Variants in ZC2HC1B observed in about 807,000 individuals in gnomAD.
ZC2HC1B encodes the protein zinc finger C2HC domain-containing protein 1B.
A neutral mutation model predicts 31.0 loss-of-function variants in ZC2HC1B; 36 were observed. The ratio of observed to expected loss-of-function variants is 1.16; its 90% CI spans 0.89 to 1.54. The LOEUF is 1.54. Ranked by LOEUF, ZC2HC1B falls within the 40% of genes most tolerant of loss-of-function variation. ZC2HC1B has a pLI of 0.00. For synonymous variants in ZC2HC1B, 73 were observed against 88.0 expected (o/e 0.83, Z 0.95); for missense variants, 260 against 268.6 (o/e 0.97, Z 0.22).
intron 6 of ZC2HC1B, among the ~76,000 whole-genome samples, chr6:143,925,307 C>G (rs1778022407): frequency 6.6e-6 from 1 of 151,052 alleles, no homozygotes; most frequent in Admixed American, 6.6e-5. Flanking sequence ...TCCCGAGCAG[C>G]TGGGAGTATA....
At position 143,921,140 on chromosome 6, in the gene ZC2HC1B, C is replaced by G. The variant is rs1436705093; in HGVS notation, c.599-16509C>G. Among the ~76,000 whole-genome samples, 1 of 152,132 alleles carries G rather than the reference C, an allele frequency of 6.6e-6. No homozygotes were observed. Among genetic ancestry groups the G allele is most frequent in the African/African-American group, 2.4e-5 (1 of 41,426 alleles). Reference sequence around the variant, plus strand: ...GCCCCCTCTGCTGAAAACAAAAACACTCTCCCAGTAATCTGCACTGCTCAC... The same window carrying G: ...GCCCCCTCTGCTGAAAACAAAAACAGTCTCCCAGTAATCTGCACTGCTCAC... On this transcript the variant is annotated intron_variant, in intron 6 of 7. Coordinates refer to ENST00000237275, the MANE Select transcript of ZC2HC1B (RefSeq NM_001013623.3). The surrounding 1 kb of genome is among the most constrained non-coding windows in gnomAD (Gnocchi z 6.1).
At chr6:143,901,648 T>TA (rs1245241795) in intron 5 of ZC2HC1B, among the ~76,000 whole-genome samples, 1 of 152,146 alleles carries the variant, frequency 6.6e-6, no homozygotes, top group Non-Finnish European at 1.5e-5. Context: ...AAAATGGGGT[T>TA]AATCATGTGT....
intron 6 of ZC2HC1B, among the ~76,000 whole-genome samples, chr6:143,907,993 T>C (rs527783858): frequency 9.2e-5 from 14 of 152,356 alleles, no homozygotes; most frequent in Non-Finnish European, 1.8e-4. Flanking sequence ...ATTCTCTGCA[T>C]ATGGCTGGCC....
intron 6 of ZC2HC1B, among the ~76,000 whole-genome samples, chr6:143,932,162 A>G (rs1007480554): frequency 1.3e-5 from 2 of 152,164 alleles, no homozygotes; most frequent in African/African-American, 4.8e-5. Context: ...GATGTGAGCT[A>G]CTGCACCTAG....
rs1554237237 is a variant in ZC2HC1B, at chr6:143,882,334, T to TTTATATATATATA, written c.29-1969_29-1968insTATATATATATAT. ...AATATGTATACATATTTTATATTTT[T>TTTATATATATATA]TATATATATATATATATATATATAT... On this transcript the variant is annotated intron_variant, in intron 1 of 7. Coordinates refer to ENST00000237275, the MANE Select transcript of ZC2HC1B (RefSeq NM_001013623.3). Among the ~76,000 whole-genome samples the TTTATATATATATA allele has an allele frequency of 6.9e-4, 59 of 85,516 alleles. No individual in the cohort carries two copies. The East Asian group carries it at 7.5e-3, about 11-fold the overall frequency. 56.1% of individuals were successfully genotyped at this position (85,516 alleles called of 152,430 possible).
intron 6 of ZC2HC1B, among the ~76,000 whole-genome samples, chr6:143,906,671 T>C (rs973769761): frequency 3.1e-4 from 47 of 152,112 alleles, no homozygotes; most frequent in Non-Finnish European, 3.8e-4. Flanking sequence ...CTCTAAATTA[T>C]GGCCTCAAGT....
Position 143,898,662 on chromosome 6 carries a change from A to T in ZC2HC1B, c.460A>T (p.Thr154Ser), listed in dbSNP as rs1777699460. 2 of 1,552,068 alleles carry T rather than the reference A, an allele frequency of 1.3e-6. No homozygotes were observed. The highest frequency in any genetic ancestry group is 8.7e-7 in the Non-Finnish European group (1 of 1,147,062). Reference sequence around the variant, plus strand: ...TCGCCGAGTCTTTAATCCAGCTCAGACAGCAGCCAAATTGGCATCCAGAGC... The same window carrying T: ...TCGCCGAGTCTTTAATCCAGCTCAGTCAGCAGCCAAATTGGCATCCAGAGC... ...SSRRVFNPAQ[T>S]AAKLASRAQG... Residue 154 changes from threonine (T) to serine (S), a missense_variant, in exon 5 of 8, where the codon ACA becomes TCA. Thr to Ser is a moderately conservative substitution (Grantham distance 58). Transcript: ENST00000237275.
At chr6:143,920,709 A>C (rs1198607300) in intron 6 of ZC2HC1B, among the ~76,000 whole-genome samples, 2 of 152,012 alleles carry the variant, frequency 1.3e-5, no homozygotes, top group African/African-American at 4.8e-5. Flanking sequence ...GGAGATCGAG[A>C]CCATCCTGGC....
At position 143,874,522 on chromosome 6, in the gene ZC2HC1B, A is replaced by G. The variant is rs148966475; in HGVS notation, c.29-9782A>G. On this transcript the variant is annotated intron_variant, in intron 1 of 7. Transcript: ENST00000237275. ...CCTGAGACTGGGAAGAAAAAGAGGT[A>G]TAATTGGACTTACAGTACCACATGG... is the stretch of plus-strand genomic sequence containing the variant. 2.0e-5 allele frequency among the ~76,000 whole-genome samples: 3 copies of G among 152,364 alleles called. No homozygotes were observed. In the East Asian group the frequency reaches 5.8e-4, roughly 29 times the overall value.
intron 6 of ZC2HC1B, among the ~76,000 whole-genome samples, chr6:143,936,267 G>T (rs1296694069): frequency 6.6e-6 from 1 of 152,096 alleles, no homozygotes; most frequent in Non-Finnish European, 1.5e-5. Flanking sequence ...AGCAACTGGC[G>T]TATGAACTCA....
chr6:143,894,450 G>C (rs1268806168), intron 4 of ZC2HC1B, among the ~76,000 whole-genome samples: 1 of 152,110 alleles, frequency 6.6e-6, no homozygotes, highest in African/African-American at 2.4e-5. Flanking sequence ...ATGTAAAATA[G>C]GTGCATTTAG....
Position 143,921,893 on chromosome 6 carries a change from T to C in ZC2HC1B, c.599-15756T>C, listed in dbSNP as rs1302507595. On this transcript the variant is annotated intron_variant, in intron 6 of 7. Transcript: ENST00000237275. The surrounding 1 kb of genome is among the most constrained non-coding windows in gnomAD (Gnocchi z 6.1). Reference sequence around the variant, plus strand: ...TCAAGGCTGCAATGAGCTATGATCGTGCCACTGCACACCAGTCTGGGTGAC... The same window carrying C: ...TCAAGGCTGCAATGAGCTATGATCGCGCCACTGCACACCAGTCTGGGTGAC... Among the ~76,000 whole-genome samples the C allele has an allele frequency of 6.6e-6, 1 of 152,206 alleles. No individual in the cohort carries two copies.
At chr6:143,890,540 C>A (rs1777588209) in intron 4 of ZC2HC1B, among the ~76,000 whole-genome samples, 1 of 151,290 alleles carries the variant, frequency 6.6e-6, no homozygotes, top group Admixed American at 6.6e-5. Flanking sequence ...AGGAAAAAAA[C>A]AAGGATATTC....
rs1284909922 is a variant in ZC2HC1B, at chr6:143,886,966, C to T, written c.349+145C>T. 16 of 911,326 alleles carry T rather than the reference C, an allele frequency of 1.8e-5. No homozygotes were observed. In the East Asian group the frequency reaches 5.0e-4, roughly 29 times the overall value. The allele number at this position is 911,326 out of a possible 1,614,324, so 56.5% of individuals were successfully genotyped here. A position where few individuals can be genotyped will look rare whatever the true frequency, so the allele number is the denominator to read the frequency against. The stretch of plus-strand genomic sequence containing the variant: ...ATAAAAGTAAACATCCTATTTTTTT[C>T]AATTCTGCATAAAGATTCTGTGTTT... On this transcript the variant is annotated intron_variant, in intron 4 of 7. Coordinates refer to ENST00000237275, the MANE Select transcript of ZC2HC1B (RefSeq NM_001013623.3). The surrounding 1 kb of genome is among the most constrained non-coding windows in gnomAD (Gnocchi z 4.2).
At chr6:143,936,869 G>A (rs1451558578) in intron 6 of ZC2HC1B, among the ~76,000 whole-genome samples, 2 of 152,186 alleles carry the variant, frequency 1.3e-5, no homozygotes, top group Admixed American at 1.3e-4. Flanking sequence ...CACAGTTGTG[G>A]ATTCTTTGGC....
intron 6 of ZC2HC1B, 143 bp from the exon 7 acceptor site, chr6:143,937,506 T>G: frequency 4.9e-6 from 2 of 407,536 alleles, no homozygotes; most frequent in African/African-American, 2.3e-5. Context: ...CTCATTGCCC[T>G]CCCCACCACA....
Position 143,884,815 on chromosome 6 carries a change from C to T in ZC2HC1B, c.90+450C>T, listed in dbSNP as rs923345851. ...AACCTTCCTGTTTTCTGCTTTGCCA[C>T]GTATACAGAACCTTCAAATTTGAGG... On this transcript the variant is annotated intron_variant, in intron 2 of 7. Transcript: ENST00000237275. This position sits in a 1 kb window ranked among gnomAD's most constrained non-coding sequence, Gnocchi z 5.1. Among the ~76,000 whole-genome samples the T allele has an allele frequency of 1.8e-4, 28 of 152,252 alleles. No homozygotes were observed. Among genetic ancestry groups the T allele is most frequent in the African/African-American group, 3.9e-4 (16 of 41,534 alleles).
chr6:143,927,797 A>G (rs1379936511), intron 6 of ZC2HC1B, among the ~76,000 whole-genome samples: 1 of 152,218 alleles, frequency 6.6e-6, no homozygotes, highest in East Asian at 1.9e-4. Flanking sequence ...CTTTGCCAAC[A>G]TCTGTTATTT....
rs1027232519 is a variant in ZC2HC1B, at chr6:143,895,498, A to G, written c.350-3054A>G. On this transcript the variant is annotated intron_variant, in intron 4 of 7. Coordinates refer to ENST00000237275, the MANE Select transcript of ZC2HC1B (RefSeq NM_001013623.3). This position sits in a 1 kb window ranked among gnomAD's most constrained non-coding sequence, Gnocchi z 4.8. Reference sequence around the variant, plus strand: ...AATTTATATACATATAACTAGAGTTATATATAACATGGCCTAACATGCATG... The same window carrying G: ...AATTTATATACATATAACTAGAGTTGTATATAACATGGCCTAACATGCATG... 1.3e-5 allele frequency among the ~76,000 whole-genome samples: 2 copies of G among 152,214 alleles called. No individual in the cohort carries two copies. The highest frequency in any genetic ancestry group is 4.8e-5 in the African/African-American group (2 of 41,466).
Sources: allele counts gnomAD v4.1 joint callset (sites outside exome capture counted in the v4.1 genomes callset), GRCh38; gene constraint gnomAD v4.1.1; non-coding constraint Gnocchi (gnomAD v3.1); transcripts MANE v1.5; gene names NCBI Gene and HGNC (gene_info 2026-07-23, HGNC 2026-07-21).